DERA: variants seen among roughly 807,000 people sequenced by gnomAD.
The protein encoded by DERA is deoxyribose-phosphate aldolase.
DERA carries 15 observed loss-of-function variants against 41.1 expected under a neutral mutation model. The ratio of observed to expected loss-of-function variants is 0.37; its 90% CI spans 0.24 to 0.56. The LOEUF (loss-of-function observed/expected upper bound fraction) is 0.56. Among genes scored for constraint, DERA ranks in the 20% least tolerant of loss-of-function variants. The pLI is 0.81. For missense variants in DERA, 396 were observed against 403.4 expected, an observed-to-expected ratio of 0.98 and a Z score of 0.16; for synonymous variants, 139 against 137.4, an observed-to-expected ratio of 1.01 and a Z score of -0.08.
In DERA at chr12:15,965,040, A is replaced by G. The variant is rs1029011659; in HGVS notation, c.508+2093A>G. ...TTTAATACTAGAAATTTAATTCTAA[A>G]TAGAAACCTGAAATGACTTAGGACT... On this transcript the variant is annotated intron_variant, in intron 5 of 8. Coordinates refer to ENST00000428559, the MANE Select transcript of DERA (RefSeq NM_015954.4). The surrounding 1 kb of genome is among the most constrained non-coding windows in gnomAD (Gnocchi z 4.1). Among the ~76,000 whole-genome samples the G allele has an allele frequency of 2.0e-5, 3 of 152,242 alleles. No individual in the cohort carries two copies. Among genetic ancestry groups the G allele is most frequent in the African/African-American group, 7.2e-5 (3 of 41,468 alleles).
At chr12:15,948,596 C>G (rs1008450346) in intron 1 of DERA, among the ~76,000 whole-genome samples, 2 of 152,222 alleles carry the variant, frequency 1.3e-5, no homozygotes, top group East Asian at 3.9e-4. Flanking sequence ...GTTAGCAATT[C>G]GTCTAATCTT....
At chr12:15,926,670 A>G (rs1948287374) in intron 1 of DERA, among the ~76,000 whole-genome samples, 1 of 146,720 alleles carries the variant, frequency 6.8e-6, no homozygotes, top group Non-Finnish European at 1.5e-5. Flanking sequence ...CGGGAGGCGG[A>G]GCTTGCAGTG....
chr12:16,030,307 C>T (rs1949084142), intron 6 of DERA, among the ~76,000 whole-genome samples: 2 of 151,936 alleles, frequency 1.3e-5, no homozygotes, highest in Admixed American at 6.6e-5. Flanking sequence ...ATTATTATAC[C>T]CAAAAGCCTT....
chr12:15,999,548 G>A lies in DERA; in HGVS notation c.637+17112G>A, dbSNP rs553489980. On this transcript the variant is annotated intron_variant, in intron 6 of 8. Transcript: ENST00000428559. The surrounding 1 kb of genome is among the most constrained non-coding windows in gnomAD (Gnocchi z 5.3). ...GCAGATACAGAGAAAGGCATTTTGGGCTGAGAGTCACTGGCTCTCATAGAG... is the reference window on the plus strand; with the variant it reads ...GCAGATACAGAGAAAGGCATTTTGGACTGAGAGTCACTGGCTCTCATAGAG... 4.3e-4 allele frequency among the ~76,000 whole-genome samples: 66 copies of A among 152,286 alleles called. No individual in the cohort carries two copies. The highest frequency in any genetic ancestry group is 1.5e-3 in the African/African-American group (64 of 41,552).
rs553752328 is a variant in DERA at position 15,915,459 on chromosome 12, G to A, written c.31+4045G>A. ...GGAATGGATATTTATTTATTTATTT[G>A]TTTATTTATTGTTTCAATAGAGACC... On this transcript the variant is annotated intron_variant, in intron 1 of 8. Coordinates refer to ENST00000428559, the MANE Select transcript of DERA (RefSeq NM_015954.4). The surrounding 1 kb of genome is among the most constrained non-coding windows in gnomAD (Gnocchi z 4.8). Among the ~76,000 whole-genome samples, 116 of 152,100 alleles carry A rather than the reference G, an allele frequency of 7.6e-4. 1 individual carries two copies. The highest frequency in any genetic ancestry group is 2.6e-3 in the African/African-American group (107 of 41,478).
rs1298952917 is a variant in DERA, at chr12:15,935,947, C to T, written c.32-20989C>T. Among the ~76,000 whole-genome samples the T allele has an allele frequency of 6.6e-6, 1 of 152,216 alleles. No individual in the cohort carries two copies. The highest frequency in any genetic ancestry group is 1.5e-5 in the Non-Finnish European group (1 of 68,048). On this transcript the variant is annotated intron_variant, in intron 1 of 8. Coordinates refer to ENST00000428559, the MANE Select transcript of DERA (RefSeq NM_015954.4). This position sits in a 1 kb window ranked among gnomAD's most constrained non-coding sequence, Gnocchi z 4.8. ...TAGAGGATCTGATTCCAAAGTGGCT[C>T]ACCCATATGGTTGGCAGCTTAGTGC...
intron 6 of DERA, among the ~76,000 whole-genome samples, chr12:16,007,842 G>GTGTTTTGTTT (rs60755576): frequency 2.6e-5 from 4 of 151,538 alleles, no homozygotes; most frequent in Non-Finnish European, 5.9e-5. Context: ...TTTTTGTTTT[G>GTGTTTTGTTT]TGTTTTGTTT....
At chr12:16,029,913 CTTTTTTTT>C (rs71438364) in intron 6 of DERA, among the ~76,000 whole-genome samples, 6 of 59,718 alleles carry the variant, frequency 1.0e-4, no homozygotes, top group Admixed American at 5.7e-4. Context: ...TAGCCTTGGT[CTTTTTTTT>C]TTTTTTTTTT....
chr12:15,993,496 A>T lies in DERA; in HGVS notation c.637+11060A>T, dbSNP rs559157599. Among the ~76,000 whole-genome samples the T allele has an allele frequency of 9.6e-3, 1,289 of 134,536 alleles. 6 individuals carry two copies. Among genetic ancestry groups the T allele is most frequent in the South Asian group, 0.031 (133 of 4,300 alleles). 88.3% of individuals were successfully genotyped at this position (134,536 alleles called of 152,430 possible). The stretch of plus-strand genomic sequence containing the variant: ...TGTTGTGGCCTTTTTTTTTTTTTTT[A>T]AAAAAAATAAGATCTTGCCTTTCAT... On this transcript the variant is annotated intron_variant, in intron 6 of 8. Coordinates refer to ENST00000428559, the MANE Select transcript of DERA (RefSeq NM_015954.4). The surrounding 1 kb of genome is among the most constrained non-coding windows in gnomAD (Gnocchi z 4.4).
At chr12:15,961,388 G>A (rs1948586706) in intron 4 of DERA, among the ~76,000 whole-genome samples, 1 of 152,106 alleles carries the variant, frequency 6.6e-6, no homozygotes, top group South Asian at 2.1e-4. Flanking sequence ...TAAAAAGGGA[G>A]TCTAGGCCAG....
At position 15,941,565 on chromosome 12, in the gene DERA, C is replaced by A. The variant is rs144474346; in HGVS notation, c.32-15371C>A. ...GCTGAATCCTCAGAGTTCGCTATAT[C>A]ATCCTTATGCCTTTGTGTCCTCACA... On this transcript the variant is annotated intron_variant, in intron 1 of 8. Transcript: ENST00000428559. The surrounding 1 kb of genome is among the most constrained non-coding windows in gnomAD (Gnocchi z 4.5). Among the ~76,000 whole-genome samples the A allele has an allele frequency of 7.0e-3, 1,065 of 152,250 alleles. 18 individuals are homozygous for A. Among genetic ancestry groups the A allele is most frequent in the African/African-American group, 0.025 (1,025 of 41,536 alleles).
intron 1 of DERA, among the ~76,000 whole-genome samples, chr12:15,948,781 T>C (rs1948472077): frequency 6.6e-6 from 1 of 152,216 alleles, no homozygotes; most frequent in African/African-American, 2.4e-5. Flanking sequence ...CACTCTGATT[T>C]TTAGAATTTT....
intron 5 of DERA, among the ~76,000 whole-genome samples, chr12:15,974,661 A>C (rs1948685543): frequency 6.6e-6 from 1 of 152,188 alleles, no homozygotes; most frequent in African/African-American, 2.4e-5. Context: ...TTAATAAGTA[A>C]TTAATATAGA....
chr12:15,930,993 CATTA>C (rs1169413021), intron 1 of DERA, among the ~76,000 whole-genome samples: 1 of 152,026 alleles, frequency 6.6e-6, no homozygotes, highest in African/African-American at 2.4e-5. Flanking sequence ...CTTCAAGTTC[CATTA>C]ATTGTTTCTT....
chr12:15,966,398 A>T lies in DERA; in HGVS notation c.508+3451A>T, dbSNP rs981967721. Among the ~76,000 whole-genome samples the T allele has an allele frequency of 6.6e-6, 1 of 151,726 alleles. No homozygotes were observed. The highest frequency in any genetic ancestry group is 1.5e-5 in the Non-Finnish European group (1 of 67,962). ...CGAATTGCTTGAACCTGGGAGGCAGAGGTTGCAGGGAGCCAAGATTGCGCC... is the reference window on the plus strand; with the variant it reads ...CGAATTGCTTGAACCTGGGAGGCAGTGGTTGCAGGGAGCCAAGATTGCGCC... On this transcript the variant is annotated intron_variant, in intron 5 of 8. Transcript: ENST00000428559. This position sits in a 1 kb window ranked among gnomAD's most constrained non-coding sequence, Gnocchi z 5.1.
In DERA at chr12:15,983,900, A is replaced by T. The variant is rs538851383; in HGVS notation, c.637+1464A>T. Among the ~76,000 whole-genome samples, 137 of 152,144 alleles carry T rather than the reference A, an allele frequency of 9.0e-4. No homozygotes were observed. The highest frequency in any genetic ancestry group is 1.7e-3 in the Non-Finnish European group (115 of 68,024). On this transcript the variant is annotated intron_variant, in intron 6 of 8. Transcript: ENST00000428559. The surrounding 1 kb of genome is among the most constrained non-coding windows in gnomAD (Gnocchi z 6.2). ...AAACCTAAGGATGAGAAGGGATGGA[A>T]CACTTTGAACAGTTGTTCATCAGTG... is the stretch of plus-strand genomic sequence containing the variant.
chr12:16,002,316 A>C (rs1176525310), intron 6 of DERA, among the ~76,000 whole-genome samples: 2 of 150,790 alleles, frequency 1.3e-5, no homozygotes, highest in African/African-American at 4.8e-5. Context: ...ATAGAAAGAA[A>C]TACCACATAG....
Position 16,016,908 on chromosome 12 carries a change from G to A in DERA, c.638-15634G>A, listed in dbSNP as rs201901872. ...TTCTGGCATTACTACAGTTCATTTT[G>A]AACACCTTAAGTTTTAAAAGGAAAG... is the stretch of plus-strand genomic sequence containing the variant. On this transcript the variant is annotated intron_variant, in intron 6 of 8. Transcript: ENST00000428559. Among the ~76,000 whole-genome samples the A allele has an allele frequency of 1.1e-4, 16 of 148,288 alleles. No homozygotes were observed. In the East Asian group the frequency reaches 3.1e-3, roughly 28 times the overall value.
intron 5 of DERA, among the ~76,000 whole-genome samples, chr12:15,977,362 C>T (rs1948704598): frequency 6.6e-6 from 1 of 152,138 alleles, no homozygotes; most frequent in Non-Finnish European, 1.5e-5. Flanking sequence ...CAGTTTTATT[C>T]CACGTATGAA....
Sources: allele counts gnomAD v4.1 joint callset (sites outside exome capture counted in the v4.1 genomes callset), GRCh38; gene constraint gnomAD v4.1.1; non-coding constraint Gnocchi (gnomAD v3.1); transcripts MANE v1.5; gene names NCBI Gene and HGNC (gene_info 2026-07-23, HGNC 2026-07-21).